The following ABCC9 variants were observed in gnomAD, a reference collection of about 807,000 sequenced individuals.
ABCC9 encodes ATP binding cassette subfamily C member 9, also known as ATP-binding cassette sub-family C member 9.
In ABCC9, 95 loss-of-function variants were observed where a neutral mutation model predicts 188.3. That is an observed-to-expected ratio of 0.50 (90% CI 0.43 to 0.60). ABCC9 has a LOEUF of 0.60. ABCC9 is among the 20% of genes least tolerant of loss of function. The pLI is 0.00. For missense variants in ABCC9, 1,102 were observed against 1,876.3 expected, an observed-to-expected ratio of 0.59 and a Z score of 7.62; for synonymous variants, 659 against 652.7, an observed-to-expected ratio of 1.01 and a Z score of -0.15.
chr12:21,805,587 TGAATG>T (rs1941782211), intron 39 of ABCC9, among the ~76,000 whole-genome samples: 1 of 152,168 alleles, frequency 6.6e-6, no homozygotes, highest in African/African-American at 2.4e-5. Flanking sequence ...AGTAGATTAA[TGAATG>T]GAAACATAGA....
intron 24 of ABCC9, among the ~76,000 whole-genome samples, chr12:21,850,700 A>T (rs1292110833): frequency 6.6e-6 from 1 of 152,198 alleles, no homozygotes; most frequent in Non-Finnish European, 1.5e-5. Context: ...AAAGTAAACC[A>T]TAAATTGTCC....
In ABCC9 at chr12:21,859,601, G is replaced by A; in HGVS notation, c.2490C>T (p.Thr830=). The part of the protein sequence containing the change: ...ICVARALYQN[T]NIVFLDDPFS... ...ATATTCTTACCAAAAAGACAATGTT[G>A]GTGTTTTGATACAGCGCTCGTGCCA... is the stretch of plus-strand genomic sequence containing the variant. Residue 830 remains threonine, a synonymous_variant, in exon 22 of 40, where the codon ACC becomes ACT. Coordinates refer to ENST00000261200, the MANE Select transcript of ABCC9 (RefSeq NM_020297.4). 6.2e-7 allele frequency: 1 copy of A among 1,613,790 alleles called. No homozygotes were observed. The highest frequency in any genetic ancestry group is 8.5e-7 in the Non-Finnish European group (1 of 1,179,772).
rs1232838301 is a variant in ABCC9, at chr12:21,798,189, C to T, written c.*2855G>A. 6.6e-6 allele frequency: 1 copy of T among 152,146 alleles called. No homozygotes were observed. The allele number at this position is 152,146 out of a possible 1,614,324, so 9.4% of individuals were successfully genotyped here. A position where few individuals can be genotyped will look rare whatever the true frequency, so the allele number is the denominator to read the frequency against. On this transcript the variant is annotated 3_prime_UTR_variant, in exon 40 of 40. Coordinates refer to ENST00000261200, the MANE Select transcript of ABCC9 (RefSeq NM_020297.4). ...CTTTAGTTTAGTGTAACTAGATAGG[C>T]TTCTACTGATGTTGCCTGTAGCAAT... is the stretch of plus-strand genomic sequence containing the variant.
At chr12:21,901,513 T>C (rs572226599) in intron 12 of ABCC9, among the ~76,000 whole-genome samples, 4 of 152,116 alleles carry the variant, frequency 2.6e-5, no homozygotes, top group South Asian at 2.1e-4. Flanking sequence ...CACTGGCAAA[T>C]TGGATAAAGA....
intron 35 of ABCC9, among the ~76,000 whole-genome samples, chr12:21,813,515 A>G (rs1942399106): frequency 6.6e-6 from 1 of 152,204 alleles, no homozygotes; most frequent in Admixed American, 6.5e-5. Context: ...TAAATCATTG[A>G]TAGTTCACAT....
At chr12:21,817,134 A>C in intron 33 of ABCC9, 53 bp downstream of exon 33, 2 of 1,579,314 alleles carry the variant, frequency 1.3e-6, no homozygotes, top group Non-Finnish European at 1.7e-6. Context: ...ACAAACACTA[A>C]TATTTGTTTA....
intron 18 of ABCC9, among the ~76,000 whole-genome samples, chr12:21,868,817 A>G (rs1430807146): frequency 6.6e-6 from 1 of 152,188 alleles, no homozygotes; most frequent in African/African-American, 2.4e-5. Flanking sequence ...ACACAGCAGC[A>G]GCTTATGAAT....
At chr12:21,867,488 A>G (rs1379032255) in intron 18 of ABCC9, among the ~76,000 whole-genome samples, 1 of 152,206 alleles carries the variant, frequency 6.6e-6, no homozygotes, top group Non-Finnish European at 1.5e-5. Context: ...TAAAGTCGAC[A>G]CAGTGTATTA....
chr12:21,828,871 G>T, intron 31 of ABCC9, 87 bp downstream of exon 31: 1 of 1,063,826 alleles, frequency 9.4e-7, no homozygotes, highest in Non-Finnish European at 1.5e-6. Context: ...AATCTCAGTG[G>T]AATACTAATT....
chr12:21,873,917 TAAAG>T (rs772122214), intron 17 of ABCC9, among the ~76,000 whole-genome samples: 1 of 152,048 alleles, frequency 6.6e-6, no homozygotes, highest in Non-Finnish European at 1.5e-5. Flanking sequence ...TAAAAATCCT[TAAAG>T]AAAGAACTTC....
At chr12:21,822,389 G>A (rs530477681) in intron 31 of ABCC9, among the ~76,000 whole-genome samples, 101 of 151,892 alleles carry the variant, frequency 6.6e-4, no homozygotes, top group South Asian at 1.2e-3. Flanking sequence ...TTGCATAAGG[G>A]ATGAAGCTCC....
intron 39 of ABCC9, among the ~76,000 whole-genome samples, chr12:21,801,934 A>C (rs1237415168): frequency 6.6e-6 from 1 of 152,212 alleles, no homozygotes; most frequent in East Asian, 1.9e-4. Context: ...TCACATAGAT[A>C]GTAAGTAGCA....
chr12:21,822,918 T>C (rs1943143964), intron 31 of ABCC9, among the ~76,000 whole-genome samples: 1 of 152,032 alleles, frequency 6.6e-6, no homozygotes, highest in Admixed American at 6.6e-5. Context: ...TGCAAATACG[T>C]GAGAAGCAAA....
chr12:21,897,033 C>T lies in ABCC9; in HGVS notation c.1619-1718G>A, dbSNP rs367665508. ...CAATGGTTGAACTAATTTACATTCC[C>T]ATCAACAGTGTAAAAGCATTCCTGT... is the stretch of plus-strand genomic sequence containing the variant. On this transcript the variant is annotated intron_variant, in intron 12 of 39. Transcript: ENST00000261200. Among the ~76,000 whole-genome samples, 9 of 152,180 alleles carry T rather than the reference C, an allele frequency of 5.9e-5. No homozygotes were observed. The East Asian group carries it at 7.7e-4, about 13-fold the overall frequency.
intron 16 of ABCC9, among the ~76,000 whole-genome samples, chr12:21,880,053 T>C (rs978653050): frequency 6.6e-6 from 1 of 150,728 alleles, no homozygotes; most frequent in Non-Finnish European, 1.5e-5. Context: ...TGATCAATAA[T>C]ACATGGGGCT....
At position 21,912,751 on chromosome 12, in the gene ABCC9, GCATT is replaced by G. The variant is rs1948378838; in HGVS notation, c.1011+117_1011+120del. ...ATTACTGTTTTCTTTCTTTTAGAAA[GCATT>G]CAATTCTCTGAAAAAAAGCCTATTT... On this transcript the variant is annotated intron_variant, in intron 8 of 39. Transcript: ENST00000261200. 15 of 857,106 alleles carry G rather than the reference GCATT, an allele frequency of 1.8e-5. 1 individual carries two copies. The South Asian group carries it at 2.5e-4, about 14-fold the overall frequency. The allele number at this position is 857,106 out of a possible 1,614,324, so 53.1% of individuals were successfully genotyped here. A position where few individuals can be genotyped will look rare whatever the true frequency, so the allele number is the denominator to read the frequency against.
chr12:21,860,804 A>G (rs1433679987), intron 21 of ABCC9, among the ~76,000 whole-genome samples, 167 bp downstream of exon 21: 1 of 152,224 alleles, frequency 6.6e-6, no homozygotes, highest in Non-Finnish European at 1.5e-5. Context: ...TACGTAAGAA[A>G]GAGTGGCATC....
chr12:21,929,175 A>AT (rs1354298221), intron 4 of ABCC9, among the ~76,000 whole-genome samples: 4 of 152,172 alleles, frequency 2.6e-5, no homozygotes, highest in East Asian at 3.9e-4. Flanking sequence ...ACGCAATAAA[A>AT]TTTTGTCTCC....
chr12:21,867,817 GAAAAGAAAAAAAAAAA>G (rs1945857415), intron 18 of ABCC9, among the ~76,000 whole-genome samples: 1 of 37,014 alleles, frequency 2.7e-5, no homozygotes, highest in South Asian at 2.0e-3. Flanking sequence ...GGGTGAGAGG[GAAAAGAAAAAAAAAAA>G]AAAAGGAAAA....
Sources: gnomAD v4.1 joint callset for allele counts (sites outside exome capture counted in the v4.1 genomes callset) on GRCh38, gnomAD v4.1.1 for gene constraint, MANE v1.5 for transcripts, NCBI Gene and HGNC (gene_info 2026-07-23, HGNC 2026-07-21) for gene names.